The following PDE4D variants were observed in gnomAD, a reference collection of about 807,000 sequenced individuals.
The protein encoded by PDE4D is 3',5'-cyclic-AMP phosphodiesterase 4D.
PDE4D carries 24 observed loss-of-function variants against 87.4 expected under a neutral mutation model. That is an observed-to-expected ratio of 0.27 (90% CI 0.20 to 0.39). The LOEUF (loss-of-function observed/expected upper bound fraction) is 0.39, where lower values mean the gene tolerates loss of function less well. Ranked by LOEUF, PDE4D falls within the 10% of genes least tolerant of loss-of-function variation. PDE4D has a pLI of 1.00. For missense variants in PDE4D, 714 were observed against 1,041.0 expected (o/e 0.69, Z 4.32); for synonymous variants, 384 against 383.2 (o/e 1.00, Z -0.02).
intron 3 of PDE4D, among the ~76,000 whole-genome samples, chr5:59,191,064 T>C (rs2153484924): frequency 6.6e-6 from 1 of 152,338 alleles, no homozygotes; most frequent in South Asian, 2.1e-4. Flanking sequence ...ATTATACAGC[T>C]GATTTATATT....
intron 1 of PDE4D, among the ~76,000 whole-genome samples, chr5:60,348,581 C>T (rs958106857): frequency 6.6e-6 from 1 of 152,070 alleles, no homozygotes; most frequent in African/African-American, 2.4e-5. Flanking sequence ...ATTATATATA[C>T]ATTAGAGTTG....
At chr5:59,328,375 A>G (rs1029326407) in intron 1 of PDE4D, among the ~76,000 whole-genome samples, 2 of 152,226 alleles carry the variant, frequency 1.3e-5, no homozygotes, top group Non-Finnish European at 2.9e-5. Context: ...TAGGTATTAT[A>G]TAAGTATAGC....
chr5:60,388,924 C>A (rs1318875737), intron 1 of PDE4D, among the ~76,000 whole-genome samples: 1 of 152,152 alleles, frequency 6.6e-6, no homozygotes, highest in Non-Finnish European at 1.5e-5. Flanking sequence ...CATTGTGTAC[C>A]TCTTATGGGC....
At chr5:59,268,920 G>A (rs1239877180) in intron 1 of PDE4D, among the ~76,000 whole-genome samples, 6 of 151,964 alleles carry the variant, frequency 3.9e-5, no homozygotes, top group African/African-American at 1.2e-4. Context: ...GTGGATCCAT[G>A]ACTAACCATT....
chr5:60,282,494 C>T (rs1464411121), intron 1 of PDE4D, among the ~76,000 whole-genome samples: 1 of 152,022 alleles, frequency 6.6e-6, no homozygotes, highest in East Asian at 1.9e-4. Context: ...AGCTTAGAAA[C>T]CACATGGAGT....
intron 1 of PDE4D, among the ~76,000 whole-genome samples, chr5:60,481,473 G>A (rs1217904000): frequency 6.6e-6 from 1 of 152,086 alleles, no homozygotes; most frequent in Non-Finnish European, 1.5e-5. Context: ...TATGTTAGAT[G>A]CACCATTTGC....
intron 1 of PDE4D, among the ~76,000 whole-genome samples, chr5:59,347,898 G>A (rs1779867204): frequency 6.6e-6 from 1 of 152,094 alleles, no homozygotes; most frequent in Non-Finnish European, 1.5e-5. Context: ...CAGATGTATG[G>A]AATGGATATG....
At chr5:59,491,470 A>T (rs75298840) in intron 1 of PDE4D, among the ~76,000 whole-genome samples, 92 of 152,316 alleles carry the variant, frequency 6.0e-4, no homozygotes, top group African/African-American at 2.2e-3. Flanking sequence ...TGATTGATAC[A>T]ATGCTAATTA....
At chr5:60,303,159 C>T (rs13167012) in intron 1 of PDE4D, among the ~76,000 whole-genome samples, 15,060 of 151,564 alleles carry the variant, frequency 0.099, 1,036 homozygotes, top group South Asian at 0.29. Context: ...GCTTTAGCTA[C>T]GGCCCAGAGA....
At chr5:59,020,613 T>C (rs1754966143) in intron 6 of PDE4D, among the ~76,000 whole-genome samples, 2 of 151,960 alleles carry the variant, frequency 1.3e-5, no homozygotes, top group South Asian at 2.1e-4. Context: ...TTCATCTGAA[T>C]GAAGAAGGTA....
chr5:59,250,357 G>T (rs1187250046), intron 1 of PDE4D, among the ~76,000 whole-genome samples: 1 of 151,190 alleles, frequency 6.6e-6, no homozygotes, highest in African/African-American at 2.4e-5. Context: ...GCCAGGAGTG[G>T]TGGGGCACGC....
intron 1 of PDE4D, among the ~76,000 whole-genome samples, chr5:60,309,745 G>T (rs1355733203): frequency 1.3e-5 from 2 of 152,100 alleles, no homozygotes; most frequent in African/African-American, 2.4e-5. Flanking sequence ...TGCTGAAATG[G>T]CACAACATCA....
chr5:59,642,372 C>T (rs1357367677), intron 1 of PDE4D, among the ~76,000 whole-genome samples: 1 of 152,086 alleles, frequency 6.6e-6, no homozygotes, highest in East Asian at 1.9e-4. Flanking sequence ...TCCCTCTAAA[C>T]ATATACACTG....
intron 1 of PDE4D, among the ~76,000 whole-genome samples, chr5:60,515,963 T>C (rs953233387): frequency 3.9e-5 from 6 of 152,232 alleles, no homozygotes; most frequent in African/African-American, 1.4e-4. Context: ...TCTTATTGAT[T>C]ACAGCCAAAA....
At chr5:60,277,177 AT>A (rs1172280778) in intron 1 of PDE4D, among the ~76,000 whole-genome samples, 1 of 152,120 alleles carries the variant, frequency 6.6e-6, no homozygotes, top group Non-Finnish European at 1.5e-5. Context: ...AGCATATCCA[AT>A]GGGGAAAAGC....
intron 1 of PDE4D, among the ~76,000 whole-genome samples, chr5:59,258,363 A>C (rs886439491): frequency 6.6e-6 from 1 of 151,954 alleles, no homozygotes; most frequent in Non-Finnish European, 1.5e-5. Context: ...CACAATTAGG[A>C]ATAATTTTAT....
chr5:60,429,847 TG>T (rs141815117), intron 1 of PDE4D: 105 of 336,372 alleles, frequency 3.1e-4, no homozygotes, highest in South Asian at 1.2e-3. Flanking sequence ...TTTTTTTTTT[TG>T]TTTTTTTTTT....
At chr5:60,258,132 G>C (rs1049399841) in intron 1 of PDE4D, among the ~76,000 whole-genome samples, 1 of 151,916 alleles carries the variant, frequency 6.6e-6, no homozygotes, top group Non-Finnish European at 1.5e-5. Flanking sequence ...TTATTGCATT[G>C]CAAAACAGTC....
intron 1 of PDE4D, among the ~76,000 whole-genome samples, chr5:60,245,407 TATGACCCAGCA>T (rs1349335276): frequency 1.3e-5 from 2 of 151,830 alleles, no homozygotes; most frequent in Admixed American, 6.6e-5. Flanking sequence ...AGCACTACCA[TATGACCCAGCA>T]ATCCCACTCC....
Sources: gnomAD v4.1 joint callset for allele counts (sites outside exome capture counted in the v4.1 genomes callset) on GRCh38, gnomAD v4.1.1 for gene constraint, MANE v1.5 for transcripts, NCBI Gene and HGNC (gene_info 2026-07-23, HGNC 2026-07-21) for gene names.